Variants in ADAMTS3 observed in about 807,000 individuals in gnomAD.
The protein encoded by ADAMTS3 is A disintegrin and metalloproteinase with thrombospondin motifs 3.
A neutral mutation model predicts 129.0 loss-of-function variants in ADAMTS3; 73 were observed. The observed-to-expected ratio is 0.57, with a 90% CI of 0.47 to 0.69. The LOEUF is 0.69. Among genes scored for constraint, ADAMTS3 ranks in the 30% least tolerant of loss-of-function variants. The pLI, the probability that ADAMTS3 is intolerant of heterozygous loss-of-function variation, is 0.00. For missense variants in ADAMTS3, 1,457 were observed against 1,514.5 expected (o/e 0.96, Z 0.63); for synonymous variants, 477 against 510.8 (o/e 0.93, Z 0.89).
intron 4 of ADAMTS3, among the ~76,000 whole-genome samples, chr4:72,380,283 G>A (rs943877807): frequency 5.9e-5 from 9 of 152,068 alleles, no homozygotes; most frequent in Non-Finnish European, 8.8e-5. Flanking sequence ...AGAAGCCACT[G>A]AAGTAAATTT....
intron 3 of ADAMTS3, among the ~76,000 whole-genome samples, chr4:72,468,404 T>C (rs573496693): frequency 3.0e-4 from 45 of 152,154 alleles, no homozygotes; most frequent in African/African-American, 1.0e-3. Flanking sequence ...ATGGCAAATA[T>C]CATGCAAACA....
chr4:72,327,078 T>G (rs1173240207), intron 5 of ADAMTS3, among the ~76,000 whole-genome samples: 2 of 152,140 alleles, frequency 1.3e-5, no homozygotes, highest in Admixed American at 1.3e-4. Context: ...TTTTAAATGC[T>G]TACTCATTTG....
intron 19 of ADAMTS3, among the ~76,000 whole-genome samples, chr4:72,294,986 T>C (rs1249832763): frequency 6.6e-6 from 1 of 152,026 alleles, no homozygotes; most frequent in Non-Finnish European, 1.5e-5. Context: ...TCCATTTCTA[T>C]GGAGACTAAA....
intron 3 of ADAMTS3, among the ~76,000 whole-genome samples, chr4:72,525,873 T>C (rs1338273543): frequency 6.6e-6 from 1 of 152,200 alleles, no homozygotes; most frequent in Non-Finnish European, 1.5e-5. Flanking sequence ...AAAATTACTC[T>C]GAACTGGCGG....
chr4:72,453,487 AGATGAG>A (rs2109972823), intron 3 of ADAMTS3, among the ~76,000 whole-genome samples: 1 of 151,956 alleles, frequency 6.6e-6, no homozygotes, highest in Admixed American at 6.6e-5. Flanking sequence ...CCTGTTAGAC[AGATGAG>A]GAAACTGAGC....
chr4:72,320,058 C>G (rs983310455), intron 7 of ADAMTS3, 95 bp from the exon 8 acceptor site: 2 of 961,726 alleles, frequency 2.1e-6, no homozygotes, highest in Non-Finnish European at 3.2e-6. Flanking sequence ...AAAGTAAAAG[C>G]CTTTCAGGAA....
intron 3 of ADAMTS3, among the ~76,000 whole-genome samples, chr4:72,450,922 G>GAGAA (rs149707445): frequency 9.7e-5 from 14 of 144,218 alleles, no homozygotes; most frequent in Non-Finnish European, 1.5e-4. Flanking sequence ...GAGGAGAGCA[G>GAGAA]GGAAGGAAGG....
intron 4 of ADAMTS3, among the ~76,000 whole-genome samples, chr4:72,370,227 C>G (rs2109866002): frequency 6.6e-6 from 1 of 152,318 alleles, no homozygotes; most frequent in African/African-American, 2.4e-5. Flanking sequence ...CTCTCCTCAT[C>G]TGTGAACGGA....
chr4:72,299,820 TCTC>T (rs371298260), intron 17 of ADAMTS3, among the ~76,000 whole-genome samples: 7 of 152,294 alleles, frequency 4.6e-5, no homozygotes, highest in African/African-American at 1.7e-4. Context: ...ACATTTTTTC[TCTC>T]CTAATCTGTG....
chr4:72,312,599 T>C, intron 12 of ADAMTS3, 133 bp from the exon 13 acceptor site: 2 of 744,874 alleles, frequency 2.7e-6, no homozygotes, highest in Non-Finnish European at 4.2e-6. Flanking sequence ...TCATACTTCC[T>C]AATTTCAGTC....
intron 3 of ADAMTS3, among the ~76,000 whole-genome samples, chr4:72,480,387 C>A (rs1037044019): frequency 4.6e-5 from 7 of 152,076 alleles, no homozygotes; most frequent in African/African-American, 1.4e-4. Context: ...GAGTTCATGT[C>A]CTTTGTAGGG....
chr4:72,307,970 A>G (rs184972879), intron 15 of ADAMTS3, among the ~76,000 whole-genome samples: 348 of 152,114 alleles, frequency 2.3e-3, no homozygotes, highest in Non-Finnish European at 3.3e-3. Flanking sequence ...TCTGAAAAAC[A>G]GTACCAATAC....
At chr4:72,458,899 A>G (rs1396799145) in intron 3 of ADAMTS3, among the ~76,000 whole-genome samples, 1 of 151,656 alleles carries the variant, frequency 6.6e-6, no homozygotes, top group Admixed American at 6.6e-5. Context: ...ACTGGTGACC[A>G]CAAAAATGAC....
rs554549987 is a variant in ADAMTS3, at chr4:72,495,562, T to TC, written c.504+52915dup. ...AAAAAAGAGACATTATTTGTCAAAC[T>TC]CCTTTAAAACATTGTTTTGTAGAAA... is the stretch of plus-strand genomic sequence containing the variant. On this transcript the variant is annotated intron_variant, in intron 3 of 21. Coordinates refer to ENST00000286657, the MANE Select transcript of ADAMTS3 (RefSeq NM_014243.3). Among the ~76,000 whole-genome samples the TC allele has an allele frequency of 8.5e-5, 13 of 152,270 alleles. No individual in the cohort carries two copies. The South Asian group carries it at 2.7e-3, about 32-fold the overall frequency.
chr4:72,326,364 T>C (rs904149397), intron 5 of ADAMTS3, among the ~76,000 whole-genome samples: 1 of 152,176 alleles, frequency 6.6e-6, no homozygotes, highest in African/African-American at 2.4e-5. Flanking sequence ...ATAATTTGAC[T>C]GCTTTTCATC....
At chr4:72,448,915 G>A (rs940867256) in intron 3 of ADAMTS3, among the ~76,000 whole-genome samples, 6 of 151,572 alleles carry the variant, frequency 4.0e-5, no homozygotes, top group African/African-American at 1.4e-4. Flanking sequence ...TCTCATTCCA[G>A]TCAAATTAGT....
intron 11 of ADAMTS3, among the ~76,000 whole-genome samples, chr4:72,314,517 C>G (rs984183270): frequency 1.3e-5 from 2 of 152,138 alleles, no homozygotes; most frequent in African/African-American, 4.8e-5. Context: ...AGCCATTTTC[C>G]TCTCTAACAT....
At chr4:72,543,860 A>G (rs1486091044) in intron 3 of ADAMTS3, among the ~76,000 whole-genome samples, 2 of 152,120 alleles carry the variant, frequency 1.3e-5, no homozygotes, top group African/African-American at 4.8e-5. Flanking sequence ...CATGCTTAAG[A>G]CGGTACATTT....
At chr4:72,411,864 C>T (rs1279883520) in intron 4 of ADAMTS3, among the ~76,000 whole-genome samples, 1 of 152,088 alleles carries the variant, frequency 6.6e-6, no homozygotes, top group African/African-American at 2.4e-5. Context: ...CCTCCAACAT[C>T]TATCCCATCA....
Sources: allele counts gnomAD v4.1 joint callset (sites outside exome capture counted in the v4.1 genomes callset), GRCh38; gene constraint gnomAD v4.1.1; transcripts MANE v1.5; gene names NCBI Gene and HGNC (gene_info 2026-07-23, HGNC 2026-07-21).